Variants in RASSF4 observed in about 807,000 individuals in gnomAD.
RASSF4 encodes the protein Ras association domain family member 4.
A neutral mutation model predicts 41.1 loss-of-function variants in RASSF4; 38 were observed. The observed-to-expected ratio is 0.92, with a 90% confidence interval of 0.71 to 1.21. RASSF4 has a LOEUF of 1.21. Ranked by LOEUF, RASSF4 falls within the 50% of genes most tolerant of loss-of-function variation. RASSF4 has a pLI of 0.00. For synonymous variants in RASSF4, 179 were observed against 163.4 expected (o/e 1.10, Z -0.73); for missense variants, 414 against 419.4 (o/e 0.99, Z 0.11).
At chr10:44,969,026 ATG>A (rs772046811) in intron 1 of RASSF4, among the ~76,000 whole-genome samples, 30 of 149,862 alleles carry the variant, frequency 2.0e-4, no homozygotes, top group Non-Finnish European at 3.0e-4. Context: ...GCATGTGAGC[ATG>A]TGTGTATGTG....
chr10:44,982,388 C>T lies in RASSF4; in HGVS notation c.139-133C>T, dbSNP rs765227241. The stretch of plus-strand genomic sequence containing the variant: ...CCAGGGCACGTAGTGGCTGATGGTC[C>T]TTCCTGAGGGGATGGGGCCACTCAG... On this transcript the variant is annotated intron_variant, in intron 3 of 10. Coordinates refer to ENST00000340258, the MANE Select transcript of RASSF4 (RefSeq NM_032023.4). 3 of 1,118,824 alleles carry T rather than the reference C, an allele frequency of 2.7e-6. No individual in the cohort carries two copies. In the East Asian group the frequency reaches 7.5e-5, roughly 28 times the overall value. 69.3% of individuals were successfully genotyped at this position (1,118,824 alleles called of 1,614,324 possible).
chr10:44,980,443 G>A (rs1841659535), intron 3 of RASSF4, among the ~76,000 whole-genome samples: 1 of 152,228 alleles, frequency 6.6e-6, no homozygotes, highest in African/African-American at 2.4e-5. Context: ...GCCAAGCTGG[G>A]GGAGGGTGAA....
chr10:44,987,544 T>C (rs1267013199), intron 6 of RASSF4, among the ~76,000 whole-genome samples: 2 of 151,544 alleles, frequency 1.3e-5, no homozygotes, highest in South Asian at 2.1e-4. Flanking sequence ...TTCATTTTAT[T>C]GTGCTTCTTG....
intron 3 of RASSF4, chr10:44,976,690 C>T (rs1841441494): frequency 6.6e-6 from 1 of 152,664 alleles, no homozygotes; most frequent in Non-Finnish European, 1.5e-5. Context: ...GCCATGAGGC[C>T]CCTGTGTGGA....
At position 44,984,070 on chromosome 10, in the gene RASSF4, C is replaced by A. The variant is rs760088998; in HGVS notation, c.330C>A (p.Ser110Arg). 110 of 1,606,838 alleles carry A rather than the reference C, an allele frequency of 6.8e-5. No homozygotes were observed. The highest frequency in any genetic ancestry group is 9.0e-5 in the Non-Finnish European group (106 of 1,176,992). The change falls in exon 5 of 11, where the codon AGC (serine) becomes AGA (arginine). Residue 110 changes from serine (S) to arginine (R), a missense_variant. Ser to Arg is a moderately radical substitution (Grantham distance 110, BLOSUM62 -1). Coordinates refer to ENST00000340258, the MANE Select transcript of RASSF4 (RefSeq NM_032023.4). ...GGAACATCACAGCCCAGGGGCCAAG[C>A]ATTCAGCCAGTGCACAAGGCTGAGA... is the stretch of plus-strand genomic sequence containing the variant. ...QNGNITAQGP[S>R]IQPVHKAESS...
At position 44,960,373 on chromosome 10, in the gene RASSF4, C is replaced by T. The variant is rs575598714; in HGVS notation, c.-39+507C>T. On this transcript the variant is annotated intron_variant, in intron 1 of 10. Coordinates refer to ENST00000340258, the MANE Select transcript of RASSF4 (RefSeq NM_032023.4). ...AAGTGAGAGTCCTACTTTCGTTATCCCCTTTTCAGATGTGAAAACTGAGGC... is the reference window on the plus strand; with the variant it reads ...AAGTGAGAGTCCTACTTTCGTTATCTCCTTTTCAGATGTGAAAACTGAGGC... Among the ~76,000 whole-genome samples the T allele has an allele frequency of 1.1e-4, 17 of 152,338 alleles. 1 individual carries two copies. In the South Asian group the frequency reaches 2.9e-3, roughly 26 times the overall value.
At chr10:44,980,846 A>ATT (rs1841679631) in intron 3 of RASSF4, 1 of 152,146 alleles carries the variant, frequency 6.6e-6, no homozygotes. Context: ...AGAACCCCCC[A>ATT]TAGACCTTTG....
chr10:44,961,005 A>G (rs1424176638), intron 1 of RASSF4, among the ~76,000 whole-genome samples: 2 of 152,182 alleles, frequency 1.3e-5, no homozygotes, highest in Non-Finnish European at 2.9e-5. Flanking sequence ...ACAGCAGGTT[A>G]GGGGAGAAGA....
intron 3 of RASSF4, chr10:44,977,558 G>A (rs770431622): frequency 6.2e-7 from 1 of 1,613,528 alleles, no homozygotes; most frequent in East Asian, 2.2e-5. Flanking sequence ...GGAATGCCCA[G>A]GCATCCTGGC....
chr10:44,968,252 G>T (rs1242249862), intron 1 of RASSF4, among the ~76,000 whole-genome samples: 1 of 152,184 alleles, frequency 6.6e-6, no homozygotes, highest in African/African-American at 2.4e-5. Context: ...CTTCTGCCTT[G>T]CAAGTATATG....
intron 5 of RASSF4, 175 bp downstream of exon 5, chr10:44,984,288 G>T (rs984274564): frequency 3.2e-6 from 2 of 628,172 alleles, no homozygotes; most frequent in African/African-American, 1.8e-5. Flanking sequence ...CCTCATTCTC[G>T]CTCCTTTTTA....
chr10:44,965,643 C>G (rs1054644076), intron 1 of RASSF4, among the ~76,000 whole-genome samples: 1 of 152,212 alleles, frequency 6.6e-6, no homozygotes, highest in African/African-American at 2.4e-5. Context: ...CAGGACCCAG[C>G]CCAGCAAGCT....
chr10:44,963,685 G>A (rs530189785), intron 1 of RASSF4, among the ~76,000 whole-genome samples: 9 of 152,162 alleles, frequency 5.9e-5, no homozygotes, highest in African/African-American at 1.7e-4. Context: ...GGTCACTTTC[G>A]TTATGACCTA....
intron 8 of RASSF4, 144 bp from the exon 9 acceptor site, chr10:44,990,802 ATC>A (rs1191525204): frequency 2.9e-6 from 2 of 680,850 alleles, no homozygotes; most frequent in East Asian, 2.6e-5. Flanking sequence ...ATGAGCAGGA[ATC>A]TCTCAGGGCA....
chr10:44,971,936 C>G, intron 3 of RASSF4, 88 bp downstream of exon 3: 1 of 851,778 alleles, frequency 1.2e-6, no homozygotes, highest in East Asian at 2.5e-5. Context: ...TGATGAAGAC[C>G]ATCCCCTTCA....
intron 4 of RASSF4, chr10:44,983,160 C>A (rs1841785360): frequency 8.3e-6 from 3 of 359,712 alleles, no homozygotes. Context: ...CCATTCAATG[C>A]ACATTTATCT....
At chr10:44,980,778 T>G (rs577107566) in intron 3 of RASSF4, 1 of 152,396 alleles carries the variant, frequency 6.6e-6, no homozygotes, top group African/African-American at 2.4e-5. Flanking sequence ...TCTCCATGAG[T>G]GAGCCATCCC....
intron 3 of RASSF4, chr10:44,977,181 G>A (rs1348663577): frequency 1.8e-6 from 1 of 563,114 alleles, no homozygotes; most frequent in East Asian, 3.0e-5. Flanking sequence ...GCAAGGGTCA[G>A]AGCGAACGGG....
At chr10:44,970,764 TTCCAGGGAGGCC>T (rs1160400558) in intron 2 of RASSF4, 1 of 154,090 alleles carries the variant, frequency 6.5e-6, no homozygotes, top group Non-Finnish European at 1.4e-5. Flanking sequence ...TCTGCTCGGC[TTCCAGGGAGGCC>T]TCAAGGAGCC....
Sources: gnomAD v4.1 joint callset for allele counts (sites outside exome capture counted in the v4.1 genomes callset) on GRCh38, gnomAD v4.1.1 for gene constraint, MANE v1.5 for transcripts, NCBI Gene and HGNC (gene_info 2026-07-23, HGNC 2026-07-21) for gene names.